The following EPS8L2 variants were observed in gnomAD, a reference collection of about 807,000 sequenced individuals.
EPS8L2 encodes epidermal growth factor receptor kinase substrate 8-like protein 2.
In EPS8L2, 81 loss-of-function variants were observed where a neutral mutation model predicts 99.4. The ratio of observed to expected loss-of-function variants is 0.82; its 90% CI spans 0.68 to 0.98. The LOEUF is 0.98. Ranked by LOEUF, EPS8L2 falls within the 50% of genes least tolerant of loss-of-function variation. The pLI, the probability that EPS8L2 is intolerant of heterozygous loss-of-function variation, is 0.00. For missense variants in EPS8L2, 1,155 were observed against 968.8 expected (o/e 1.19, Z -2.55); for synonymous variants, 509 against 407.3 (o/e 1.25, Z -3.01).
Position 720,613 on chromosome 11 carries a change from T to A in EPS8L2, c.344T>A (p.Phe115Tyr). ...TACCCGCAGGAGGAGCTGGAAGACT[T>A]CCCGCTGCCCACGGTGCAGCGCAGC... ...DIESQEELED[F>Y]PLPTVQRSQT... The change falls in exon 6 of 21, where the codon TTC (phenylalanine) becomes TAC (tyrosine). Residue 115 changes from phenylalanine (F) to tyrosine (Y), a missense_variant. By Grantham distance (22) the Phe-to-Tyr change is conservative (BLOSUM62 3). Transcript: ENST00000318562. 6.2e-7 allele frequency: 1 copy of A among 1,600,228 alleles called. No individual in the cohort carries two copies. The highest frequency in any genetic ancestry group is 8.5e-7 in the Non-Finnish European group (1 of 1,175,178).
chr11:717,622 T>C (rs1862053695), intron 4 of EPS8L2, among the ~76,000 whole-genome samples: 1 of 152,178 alleles, frequency 6.6e-6, no homozygotes, highest in African/African-American at 2.4e-5. Context: ...CTCATGCCTA[T>C]AATCCCAGCA....
intron 12 of EPS8L2, 39 bp downstream of exon 12, chr11:722,204 G>A: frequency 6.3e-7 from 1 of 1,597,336 alleles, no homozygotes; most frequent in Non-Finnish European, 8.6e-7. Context: ...CAGGGTGGGG[G>A]CCCAGAGGCC....
At chr11:718,265 G>A (rs1175869764) in intron 4 of EPS8L2, among the ~76,000 whole-genome samples, 6 of 151,970 alleles carry the variant, frequency 3.9e-5, no homozygotes, top group African/African-American at 9.7e-5. Context: ...CCCGGGAGGC[G>A]GAGCTTGCAG....
intron 1 of EPS8L2, among the ~76,000 whole-genome samples, chr11:707,086 G>T (rs1218456812): frequency 6.6e-6 from 1 of 152,040 alleles, no homozygotes; most frequent in Admixed American, 6.5e-5. Flanking sequence ...GCTGTGCTGG[G>T]AGGCAGGCCC....
chr11:720,847 G>A lies in EPS8L2; in HGVS notation c.495G>A (p.Glu165=). The change falls in exon 7 of 21, where the codon GAG becomes GAA. Residue 165 remains glutamate (E), a synonymous_variant. Transcript: ENST00000318562. Reference sequence around the variant, plus strand: ...TTTCCCAGGCAGAGCTGGTGCACGAGGACATCGAGAGCGCGTTGGCCGACT... The same window carrying A: ...TTTCCCAGGCAGAGCTGGTGCACGAAGACATCGAGAGCGCGTTGGCCGACT... ...CDEVEAELVH[E]DIESALADCR... 1 of 1,540,228 alleles carries A rather than the reference G, an allele frequency of 6.5e-7. No individual in the cohort carries two copies. Among genetic ancestry groups the A allele is most frequent in the East Asian group, 2.4e-5 (1 of 40,842 alleles).
chr11:713,336 A>G (rs986452149), intron 4 of EPS8L2, among the ~76,000 whole-genome samples: 1 of 152,074 alleles, frequency 6.6e-6, no homozygotes, highest in Non-Finnish European at 1.5e-5. Flanking sequence ...CTTGGTGGCT[A>G]CCCCCAACCT....
chr11:721,343 G>C lies in EPS8L2; in HGVS notation c.759G>C (p.Glu253Asp), dbSNP rs1179556803. Residue 253 changes from glutamate to aspartate, a missense_variant, in exon 9 of 21, where the codon GAG becomes GAC. Transcript: ENST00000318562. Reference protein sequence around the residue: ...EPRAVLAQKIEKETQILNCAL... With the variant: ...EPRAVLAQKIDKETQILNCAL... The stretch of plus-strand genomic sequence containing the variant: ...GGGCCGTGCTGGCTCAGAAGATAGA[G>C]AAGGAGACGGTGGGTGCCCGGGCCC... 6.5e-7 allele frequency: 1 copy of C among 1,539,858 alleles called. No homozygotes were observed. Among genetic ancestry groups the C allele is most frequent in the Non-Finnish European group, 8.7e-7 (1 of 1,146,520 alleles).
At chr11:711,765 T>C (rs375208614) in intron 4 of EPS8L2, among the ~76,000 whole-genome samples, 2,970 of 107,292 alleles carry the variant, frequency 0.028, no homozygotes, top group Non-Finnish European at 0.036. Context: ...GAGTGGATCA[T>C]CTGAGGTTAG....
rs771388674 is a variant in EPS8L2 at position 724,797 on chromosome 11, G to A, written c.1528G>A (p.Glu510Lys). 6.8e-6 allele frequency: 11 copies of A among 1,613,544 alleles called. No individual in the cohort carries two copies. The highest frequency in any genetic ancestry group is 8.5e-6 in the Non-Finnish European group (10 of 1,179,896). Residue 510 changes from glutamate (E) to lysine (K), a missense_variant, in exon 16 of 21, where the codon GAG becomes AAG. Transcript: ENST00000318562. The surrounding 1 kb of genome is among the most constrained non-coding windows in gnomAD (Gnocchi z 5.5). ...TGACTTCACAGCCCGAAATGCCAAC[G>A]AGCTATCGGTGCTCAAGGATGAGGT... ...LYDFTARNAN[E>K]LSVLKDEVLE...
At chr11:717,570 T>C (rs926343070) in intron 4 of EPS8L2, among the ~76,000 whole-genome samples, 9 of 152,076 alleles carry the variant, frequency 5.9e-5, no homozygotes, top group African/African-American at 1.9e-4. Context: ...TATTGGGCAA[T>C]AGAATAGGTA....
At chr11:709,474 A>T (rs1360508349) in intron 2 of EPS8L2, 23 bp downstream of exon 2, 4 of 839,066 alleles carry the variant, frequency 4.8e-6, no homozygotes, top group Non-Finnish European at 7.4e-6. Flanking sequence ...ACCCATCCCG[A>T]ATACCCCACC....
chr11:723,110 G>A (rs544200664), intron 14 of EPS8L2, 131 bp from the exon 15 acceptor site: 18 of 567,804 alleles, frequency 3.2e-5, no homozygotes, highest in South Asian at 2.1e-4. Flanking sequence ...TGGCATCACC[G>A]GGCATCAGGC....
chr11:713,567 CAG>C (rs1861942324), intron 4 of EPS8L2, among the ~76,000 whole-genome samples: 2 of 152,142 alleles, frequency 1.3e-5, no homozygotes, highest in Non-Finnish European at 1.5e-5. Flanking sequence ...TTCTCTGAGA[CAG>C]AGTCTCACCC....
Position 721,148 on chromosome 11 carries a change from CG to C in EPS8L2, c.646del (p.Asp216IlefsTer37). Reference protein sequence around the residue: ...PAPIPFQHRGGDSPEAKNRVG... With the variant: ...PAPIPFQHRGXDSPEAKNRVG... ...CGCCCATCCCCTTCCAGCACCGCGG[CG>C]GGGATTCCCCGGAGGCCAAGAATCG... is the stretch of plus-strand genomic sequence containing the variant. On this transcript the variant is annotated frameshift_variant, in exon 8 of 21. Coordinates refer to ENST00000318562, the MANE Select transcript of EPS8L2 (RefSeq NM_022772.4). LOFTEE classifies it high-confidence loss of function. 1.3e-6 allele frequency: 2 copies of C among 1,536,450 alleles called. No homozygotes were observed. Among genetic ancestry groups the C allele is most frequent in the Non-Finnish European group, 8.7e-7 (1 of 1,143,782 alleles).
chr11:713,119 G>A (rs761240171), intron 4 of EPS8L2, among the ~76,000 whole-genome samples: 1 of 152,260 alleles, frequency 6.6e-6, no homozygotes, highest in Non-Finnish European at 1.5e-5. Context: ...GAGAGAGGGT[G>A]AGAGTCTGGT....
chr11:722,858 A>G (rs571640370), intron 14 of EPS8L2, 53 bp downstream of exon 14: 2 of 1,107,124 alleles, frequency 1.8e-6, no homozygotes, highest in African/African-American at 5.7e-5. Context: ...CCCACTCCTC[A>G]CCAGAGCTCC....
chr11:706,626 T>C (rs1861726451), intron 1 of EPS8L2: 7 of 152,786 alleles, frequency 4.6e-5, no homozygotes, highest in Admixed American at 4.6e-4. Flanking sequence ...AATCCCTGCG[T>C]CCGGAGAGCG....
At position 709,139 on chromosome 11, in the gene EPS8L2, C is replaced by T. The variant is rs908982267; in HGVS notation, c.-78-191C>T. The T allele has an allele frequency of 1.8e-4, 107 of 594,514 alleles. No individual in the cohort carries two copies. The Admixed American group carries it at 2.1e-3, about 12-fold the overall frequency. 36.8% of individuals were successfully genotyped at this position (594,514 alleles called of 1,614,324 possible). ...GGAGCACCTAGGGTCTGAGGCATGA[C>T]GAGGCTGATCGACTGTCAACTGGGA... On this transcript the variant is annotated intron_variant, in intron 1 of 20. Coordinates refer to ENST00000318562, the MANE Select transcript of EPS8L2 (RefSeq NM_022772.4).
chr11:722,259 G>A (rs1862201155), intron 12 of EPS8L2, 94 bp downstream of exon 12: 7 of 1,530,660 alleles, frequency 4.6e-6, no homozygotes, highest in Middle Eastern at 2.2e-4. Flanking sequence ...GCAGGTGCCC[G>A]CCTTGGGCAG....
Sources: allele counts gnomAD v4.1 joint callset (sites outside exome capture counted in the v4.1 genomes callset), GRCh38; gene constraint gnomAD v4.1.1; non-coding constraint Gnocchi (gnomAD v3.1); transcripts MANE v1.5; gene names NCBI Gene and HGNC (gene_info 2026-07-23, HGNC 2026-07-21).